The following FOXP1 variants were observed in gnomAD, a reference collection of about 807,000 sequenced individuals.
The protein encoded by FOXP1 is forkhead box P1.
Under a neutral mutation model 98.2 loss-of-function variants are expected in FOXP1, and 15 were observed. The observed-to-expected ratio is 0.15, with a 90% CI of 0.10 to 0.24. The LOEUF is 0.24. Among genes scored for constraint, FOXP1 ranks in the 10% least tolerant of loss-of-function variants. The pLI is 1.00. For missense variants in FOXP1, 633 were observed against 848.5 expected (o/e 0.75, Z 3.15); for synonymous variants, 371 against 314.5 (o/e 1.18, Z -1.90).
At chr3:71,321,052 A>G (rs1304333834) in intron 4 of FOXP1, among the ~76,000 whole-genome samples, 4 of 151,796 alleles carry the variant, frequency 2.6e-5, no homozygotes, top group African/African-American at 9.6e-5. Flanking sequence ...CTTATAAATA[A>G]GAATTGAGAT....
chr3:71,314,971 T>C (rs964462326), intron 4 of FOXP1, among the ~76,000 whole-genome samples: 3 of 150,904 alleles, frequency 2.0e-5, no homozygotes, highest in African/African-American at 7.3e-5. Flanking sequence ...TTTAATAACA[T>C]GTTTCTTTGA....
rs2048375531 is a variant in FOXP1 at position 71,583,695 on chromosome 3, C to G, written c.-571G>C. 2 of 984,968 alleles carry G rather than the reference C, an allele frequency of 2.0e-6. No individual in the cohort carries two copies. Among genetic ancestry groups the G allele is most frequent in the South Asian group, 4.7e-5 (1 of 21,300 alleles). 61.0% of individuals were successfully genotyped at this position (984,968 alleles called of 1,614,324 possible). On this transcript the variant is annotated 5_prime_UTR_variant, in exon 1 of 21. Coordinates refer to ENST00000649528, the MANE Select transcript of FOXP1 (RefSeq NM_001349338.3). ...TCGCGCACACACGCGCGCACACACG[C>G]ACTCCCGGGCGAGGGCCGGGCCGCC...
In FOXP1 at chr3:70,970,758, G is replaced by A. The variant is rs762355060; in HGVS notation, c.1700C>T (p.Thr567Ile). 6.2e-7 allele frequency: 1 copy of A among 1,613,890 alleles called. No individual in the cohort carries two copies. Among genetic ancestry groups the A allele is most frequent in the South Asian group, 1.1e-5 (1 of 91,084 alleles). ...KNMQSSHAYC[T>I]PLNAALQASM... ...TACCTGTAAAGCTGCATTGAGAGGT[G>A]TGCAGTAGGCGTGGCTGCTCTGCAT... The change falls in exon 19 of 21, where the codon ACA becomes ATA. Residue 567 changes from threonine to isoleucine, a missense_variant. Physicochemically the swap from Thr to Ile is moderately conservative, Grantham distance 89. Transcript: ENST00000649528.
chr3:71,238,244 T>C (rs1576531661), intron 5 of FOXP1, among the ~76,000 whole-genome samples: 1 of 152,382 alleles, frequency 6.6e-6, no homozygotes, highest in Admixed American at 6.5e-5. Flanking sequence ...GGTCACTTTC[T>C]ACCTGCATAA....
chr3:71,571,947 TTCATCTAAGTATATCTTTA>T (rs1438535511), intron 2 of FOXP1: 8 of 152,218 alleles, frequency 5.3e-5, no homozygotes, highest in African/African-American at 1.7e-4. Context: ...TGTTCCGATT[TTCATCTAAGTATATCTTTA>T]TTTATATGGC....
intron 3 of FOXP1, among the ~76,000 whole-genome samples, chr3:71,414,262 C>T (rs752014937): frequency 3.9e-5 from 6 of 152,172 alleles, no homozygotes; most frequent in Non-Finnish European, 2.9e-5. Flanking sequence ...TTTGGCCAGC[C>T]GTCATAAAGA....
intron 4 of FOXP1, among the ~76,000 whole-genome samples, chr3:71,327,128 AC>A (rs1188873232): frequency 4.6e-5 from 7 of 152,128 alleles, no homozygotes; most frequent in Non-Finnish European, 8.8e-5. Context: ...ACAGGGCCAT[AC>A]TGAACAAAAG....
chr3:71,187,568 A>G (rs2062724641), intron 6 of FOXP1, among the ~76,000 whole-genome samples: 1 of 152,202 alleles, frequency 6.6e-6, no homozygotes, highest in Non-Finnish European at 1.5e-5. Context: ...GGGCGACAAG[A>G]GTGAAACTCC....
chr3:71,105,056 A>G (rs2057309988), intron 7 of FOXP1, among the ~76,000 whole-genome samples: 1 of 152,238 alleles, frequency 6.6e-6, no homozygotes, highest in Non-Finnish European at 1.5e-5. Context: ...GTTATTAAGC[A>G]GCTGATTGTG....
chr3:71,134,954 T>C (rs1027058137), intron 6 of FOXP1, among the ~76,000 whole-genome samples: 1 of 152,022 alleles, frequency 6.6e-6, no homozygotes, highest in Non-Finnish European at 1.5e-5. Context: ...CAATCCTACC[T>C]TCTTCTAAAA....
chr3:71,016,382 G>C (rs926534545), intron 11 of FOXP1, among the ~76,000 whole-genome samples: 4 of 152,102 alleles, frequency 2.6e-5, no homozygotes, highest in African/African-American at 9.7e-5. Flanking sequence ...CGCACCATGT[G>C]GTGCTCGGGG....
At chr3:71,281,353 T>C (rs2071543980) in intron 5 of FOXP1, among the ~76,000 whole-genome samples, 1 of 152,142 alleles carries the variant, frequency 6.6e-6, no homozygotes, top group East Asian at 1.9e-4. Flanking sequence ...CTTCAGATAA[T>C]AATGGGGTCA....
chr3:71,579,249 C>T (rs1346303961), intron 2 of FOXP1, among the ~76,000 whole-genome samples: 1 of 151,982 alleles, frequency 6.6e-6, no homozygotes, highest in African/African-American at 2.4e-5. Context: ...AAAAGTGTTA[C>T]ACAGTTTATA....
chr3:71,038,571 G>A (rs1019976126), intron 11 of FOXP1, among the ~76,000 whole-genome samples: 3 of 152,000 alleles, frequency 2.0e-5, no homozygotes, highest in Non-Finnish European at 2.9e-5. Flanking sequence ...GTTATCACAC[G>A]TGATTTTTAA....
intron 4 of FOXP1, among the ~76,000 whole-genome samples, chr3:71,322,972 C>CTT (rs879670656): frequency 7.1e-5 from 10 of 139,996 alleles, no homozygotes; most frequent in South Asian, 2.3e-4. Flanking sequence ...AAGCTCGGTA[C>CTT]TTTTTTTTTT....
intron 4 of FOXP1, among the ~76,000 whole-genome samples, chr3:71,319,316 G>T (rs890482925): frequency 2.6e-5 from 4 of 152,040 alleles, no homozygotes; most frequent in African/African-American, 9.7e-5. Flanking sequence ...AAAGATTTCT[G>T]TCATAAATAT....
intron 5 of FOXP1, among the ~76,000 whole-genome samples, chr3:71,259,600 C>T (rs1275808747): frequency 1.3e-5 from 2 of 152,046 alleles, no homozygotes; most frequent in African/African-American, 2.4e-5. Flanking sequence ...CGACCCCAAT[C>T]GACTGATTTT....
intron 5 of FOXP1, among the ~76,000 whole-genome samples, chr3:71,241,393 G>A (rs952024849): frequency 4.6e-5 from 7 of 152,144 alleles, no homozygotes; most frequent in Non-Finnish European, 1.0e-4. Flanking sequence ...AGGGGCGAGT[G>A]GAGAGCATTT....
At chr3:71,400,983 T>C (rs563895972) in intron 3 of FOXP1, among the ~76,000 whole-genome samples, 173 of 152,342 alleles carry the variant, frequency 1.1e-3, no homozygotes, top group Non-Finnish European at 2.1e-3. Flanking sequence ...TTTACCTACA[T>C]GCTGTCAGTT....
Sources: gnomAD v4.1 joint callset for allele counts (sites outside exome capture counted in the v4.1 genomes callset) on GRCh38, gnomAD v4.1.1 for gene constraint, MANE v1.5 for transcripts, NCBI Gene and HGNC (gene_info 2026-07-23, HGNC 2026-07-21) for gene names.